Variants in EYS observed in about 807,000 individuals in gnomAD.
The protein encoded by EYS is protein eyes shut homolog.
In EYS, 250 loss-of-function variants were observed where a neutral mutation model predicts 282.1. The ratio of observed to expected loss-of-function variants is 0.89; its 90% CI spans 0.80 to 0.98. EYS has a LOEUF of 0.98. Among genes scored for constraint, EYS ranks in the 50% least tolerant of loss-of-function variants. The pLI is 0.00. For synonymous variants in EYS, 1,355 were observed against 1,282.9 expected (o/e 1.06, Z -1.20); for missense variants, 4,016 against 3,709.0 (o/e 1.08, Z -2.15).
chr6:64,940,192 T>C (rs1769043360), intron 15 of EYS, among the ~76,000 whole-genome samples: 1 of 152,020 alleles, frequency 6.6e-6, no homozygotes. Flanking sequence ...CTTTCTAACA[T>C]CCTTTTATTT....
chr6:65,097,772 T>G (rs868043249), intron 12 of EYS, among the ~76,000 whole-genome samples: 25 of 150,378 alleles, frequency 1.7e-4, no homozygotes, highest in Middle Eastern at 3.2e-3. Flanking sequence ...TGTTGTATGA[T>G]TCTACTAATA....
chr6:63,881,495 A>G (rs939495083), intron 35 of EYS, among the ~76,000 whole-genome samples: 3 of 152,194 alleles, frequency 2.0e-5, no homozygotes, highest in Non-Finnish European at 4.4e-5. Flanking sequence ...GTAAAAATAT[A>G]CTTTGGTAAC....
chr6:65,073,638 TA>T lies in EYS; in HGVS notation c.2024-15912del, dbSNP rs1773963827. Among the ~76,000 whole-genome samples the T allele has an allele frequency of 2.0e-5, 3 of 151,692 alleles. No homozygotes were observed. In the South Asian group the frequency reaches 6.2e-4, roughly 31 times the overall value. ...TAAAATGTTACATTGATTATATTTT[TA>T]TATATACTTTTTAATATTTTTTATA... is the stretch of plus-strand genomic sequence containing the variant. On this transcript the variant is annotated intron_variant, in intron 12 of 42. Coordinates refer to ENST00000503581, the MANE Select transcript of EYS (RefSeq NM_001142800.2).
intron 33 of EYS, among the ~76,000 whole-genome samples, chr6:64,004,641 G>C (rs950270195): frequency 6.6e-6 from 1 of 152,040 alleles, no homozygotes; most frequent in Non-Finnish European, 1.5e-5. Context: ...TCCAGTGTCC[G>C]TTGTTGCCTT....
At position 63,984,587 on chromosome 6, in the gene EYS, A is replaced by T; in HGVS notation, c.6851T>A (p.Met2284Lys). Reference protein sequence around the residue: ...SHASQAYFESMFLGHIPANVQ... With the variant: ...SHASQAYFESKFLGHIPANVQ... ...ATTTGCAGGAATATGGCCAAGGAAC[A>T]TTGATTCAAAATATGCCTGTAGAAA... The change falls in exon 35 of 43, where the codon ATG becomes AAG. Residue 2284 changes from methionine to lysine, a missense_variant. Transcript: ENST00000503581. 2.6e-6 allele frequency: 4 copies of T among 1,548,724 alleles called. No individual in the cohort carries two copies. Among genetic ancestry groups the T allele is most frequent in the Non-Finnish European group, 3.5e-6 (4 of 1,144,834 alleles).
chr6:64,760,801 C>T (rs186421165), intron 22 of EYS, among the ~76,000 whole-genome samples: 12 of 152,206 alleles, frequency 7.9e-5, no homozygotes, highest in African/African-American at 1.4e-4. Context: ...ATGGATGCTT[C>T]GGTGGGAACC....
At chr6:65,239,528 T>A (rs890102951) in intron 12 of EYS, among the ~76,000 whole-genome samples, 1 of 152,250 alleles carries the variant, frequency 6.6e-6, no homozygotes, top group African/African-American at 2.4e-5. Context: ...AAAATTCTTT[T>A]AAAATTTTTG....
chr6:65,063,053 A>T (rs368623302), intron 12 of EYS, among the ~76,000 whole-genome samples: 50 of 152,120 alleles, frequency 3.3e-4, no homozygotes, highest in African/African-American at 1.1e-3. Context: ...AAATGAATTC[A>T]TGTATTCTTG....
intron 16 of EYS, among the ~76,000 whole-genome samples, chr6:64,905,039 A>T (rs1215347551): frequency 6.6e-6 from 1 of 152,226 alleles, no homozygotes; most frequent in Non-Finnish European, 1.5e-5. Flanking sequence ...CACGTGCTGC[A>T]TAACAACATT....
intron 41 of EYS, among the ~76,000 whole-genome samples, chr6:63,741,243 C>A (rs1209925857): frequency 6.6e-6 from 1 of 152,086 alleles, no homozygotes; most frequent in Non-Finnish European, 1.5e-5. Flanking sequence ...TAAATAGAAT[C>A]CCTCAGAGAG....
At chr6:64,297,558 A>G (rs1335440851) in intron 30 of EYS, among the ~76,000 whole-genome samples, 1 of 152,208 alleles carries the variant, frequency 6.6e-6, no homozygotes, top group Non-Finnish European at 1.5e-5. Context: ...AAGGATCCCA[A>G]TAAAATTATA....
Position 64,947,931 on chromosome 6 carries a change from G to A in EYS, c.2260-2017C>T, listed in dbSNP as rs183737544. Among the ~76,000 whole-genome samples the A allele has an allele frequency of 2.0e-5, 3 of 151,744 alleles. No individual in the cohort carries two copies. In the East Asian group the frequency reaches 5.8e-4, roughly 29 times the overall value. ...AAGACAAATGCATAAGCACACTGCTGATTTTTATTTTGATGCCTCAATAAT... is the reference window on the plus strand; with the variant it reads ...AAGACAAATGCATAAGCACACTGCTAATTTTTATTTTGATGCCTCAATAAT... On this transcript the variant is annotated intron_variant, in intron 14 of 42. Coordinates refer to ENST00000503581, the MANE Select transcript of EYS (RefSeq NM_001142800.2).
chr6:64,691,110 T>A (rs1770366016), intron 22 of EYS, among the ~76,000 whole-genome samples: 1 of 152,178 alleles, frequency 6.6e-6, no homozygotes, highest in African/African-American at 2.4e-5. Flanking sequence ...ATTCATGATT[T>A]AAATAACTAT....
intron 8 of EYS, among the ~76,000 whole-genome samples, chr6:65,366,792 G>A (rs902354154): frequency 6.6e-6 from 1 of 151,552 alleles, no homozygotes; most frequent in Non-Finnish European, 1.5e-5. Flanking sequence ...TGCAGGTTCT[G>A]AGGGGGAAAT....
chr6:64,296,581 TATACATATATATA>T (rs1769019797), intron 30 of EYS, among the ~76,000 whole-genome samples: 6 of 6,586 alleles, frequency 9.1e-4, no homozygotes, highest in African/African-American at 5.3e-3. Context: ...TATATATATA[TATACATATATATA>T]TATATTTTTT....
At chr6:64,372,844 T>C (rs1264503262) in intron 29 of EYS, among the ~76,000 whole-genome samples, 1 of 152,210 alleles carries the variant, frequency 6.6e-6, no homozygotes, top group East Asian at 1.9e-4. Context: ...CTGTTAAAGT[T>C]TGGTCAATTC....
intron 12 of EYS, among the ~76,000 whole-genome samples, chr6:65,287,166 A>G (rs1299200103): frequency 1.3e-5 from 2 of 151,642 alleles, no homozygotes; most frequent in Admixed American, 6.6e-5. Flanking sequence ...TCATATTTAG[A>G]TGAAACAGAA....
chr6:64,560,879 A>G (rs1765372164), intron 26 of EYS, among the ~76,000 whole-genome samples: 1 of 152,124 alleles, frequency 6.6e-6, no homozygotes, highest in African/African-American at 2.4e-5. Context: ...CCTGGCAGAG[A>G]CACAGCAAAA....
chr6:64,313,347 G>T (rs1769805570), intron 29 of EYS, among the ~76,000 whole-genome samples: 2 of 98,804 alleles, frequency 2.0e-5, no homozygotes, highest in South Asian at 7.4e-4. Context: ...AGAGTGAAAA[G>T]AAATGAACAA....
Sources: allele counts gnomAD v4.1 joint callset (sites outside exome capture counted in the v4.1 genomes callset), GRCh38; gene constraint gnomAD v4.1.1; transcripts MANE v1.5; gene names NCBI Gene and HGNC (gene_info 2026-07-23, HGNC 2026-07-21).